The following LRRC37A2 variants were observed in gnomAD, a reference collection of about 807,000 sequenced individuals.
LRRC37A2 encodes the protein leucine rich repeat containing 37 member A2.
LRRC37A2 carries 9 observed loss-of-function variants against 68.8 expected under a neutral mutation model. The ratio of observed to expected loss-of-function variants is 0.13; its 90% CI spans 0.08 to 0.23. The LOEUF is 0.23. Among genes scored for constraint, LRRC37A2 ranks in the 10% least tolerant of loss-of-function variants. LRRC37A2 has a pLI of 1.00. For synonymous variants in LRRC37A2, 63 were observed against 367.6 expected, an observed-to-expected ratio of 0.17 and a Z score of 9.48; for missense variants, 168 against 950.4, an observed-to-expected ratio of 0.18 and a Z score of 10.82.
the LRRC37A2 span, among the ~76,000 whole-genome samples, chr17:46,848,333 C>A: frequency 6.6e-6 from 1 of 152,200 alleles, no homozygotes; most frequent in Non-Finnish European, 1.5e-5. Context: ...AAAAAGGCCA[C>A]AAACCAGGGT....
At chr17:46,885,101 G>A in the LRRC37A2 span, 18 of 432,636 alleles carry the variant, frequency 4.2e-5, no homozygotes, top group South Asian at 2.4e-4. Context: ...CGATTCTCCC[G>A]TCTCAGCTGC....
At chr17:46,638,399 A>G in the LRRC37A2 span, among the ~76,000 whole-genome samples, 1 of 40,032 alleles carries the variant, frequency 2.5e-5, no homozygotes, top group African/African-American at 1.4e-4. Flanking sequence ...ATTTTTTGAG[A>G]TGGTGTGTTA....
the LRRC37A2 span, chr17:46,966,849 A>G: frequency 2.4e-6 from 1 of 413,950 alleles, no homozygotes; most frequent in Non-Finnish European, 4.3e-6. Context: ...CATTCCTGGC[A>G]TGTGAAGAGC....
At chr17:46,940,354 T>TTAAA in the LRRC37A2 span, 17 of 1,484,570 alleles carry the variant, frequency 1.1e-5, no homozygotes, top group Non-Finnish European at 1.5e-5. Context: ...GTTGGGGCCC[T>TTAAA]GCCAGAGTTA....
chr17:47,017,144 G>A, the LRRC37A2 span: 1 of 1,605,638 alleles, frequency 6.2e-7, no homozygotes, highest in Non-Finnish European at 8.5e-7. Flanking sequence ...CATAAAGACA[G>A]GGCGGGACTC....
At chr17:46,541,378 A>G (rs1344405817) in intron 8 of LRRC37A2, among the ~76,000 whole-genome samples, 2 of 148,186 alleles carry the variant, frequency 1.3e-5, no homozygotes, top group Non-Finnish European at 3.0e-5. Flanking sequence ...CAGCCTTCCG[A>G]GTAGCTGGGA....
At chr17:46,779,101 A>ACCCCC in the LRRC37A2 span, among the ~76,000 whole-genome samples, 27 of 140,058 alleles carry the variant, frequency 1.9e-4, 1 homozygote, top group Admixed American at 1.5e-3. Flanking sequence ...ACACACACAC[A>ACCCCC]CACCCCAGCC....
the LRRC37A2 span, among the ~76,000 whole-genome samples, chr17:46,568,380 C>T: frequency 8.2e-6 from 1 of 121,510 alleles, no homozygotes; most frequent in South Asian, 2.4e-4. Context: ...GAACCAAAAT[C>T]TAATCAAGTC....
At chr17:46,973,562 G>A in the LRRC37A2 span, among the ~76,000 whole-genome samples, 2 of 152,094 alleles carry the variant, frequency 1.3e-5, no homozygotes, top group Non-Finnish European at 2.9e-5. Flanking sequence ...GGGATCTCAA[G>A]TCTAAGTAAT....
the LRRC37A2 span, among the ~76,000 whole-genome samples, chr17:47,009,248 G>A: frequency 1.3e-5 from 2 of 151,982 alleles, no homozygotes; most frequent in Non-Finnish European, 2.9e-5. Flanking sequence ...AGGAATATTT[G>A]TCAGGGGCTG....
the LRRC37A2 span, among the ~76,000 whole-genome samples, chr17:47,034,230 A>G: frequency 6.6e-6 from 1 of 152,204 alleles, no homozygotes; most frequent in Non-Finnish European, 1.5e-5. Flanking sequence ...CATTCATATC[A>G]TTTGGTTTGT....
chr17:46,876,322 G>A, the LRRC37A2 span: 1 of 1,614,200 alleles, frequency 6.2e-7, no homozygotes, highest in Non-Finnish European at 8.5e-7. Context: ...CCTGCTGGAA[G>A]CAGCTCTCCC....
At chr17:46,876,817 T>G in the LRRC37A2 span, 1 of 1,443,674 alleles carries the variant, frequency 6.9e-7, no homozygotes, top group Non-Finnish European at 9.1e-7. Flanking sequence ...ATCACATGCA[T>G]GCATAAACCG....
chr17:46,932,254 G>A, the LRRC37A2 span: 1 of 1,605,914 alleles, frequency 6.2e-7, no homozygotes. Flanking sequence ...GTGGGGGCTG[G>A]AGTTCAGATC....
chr17:46,558,376 G>GT (rs1220226031), downstream of LRRC37A2, among the ~76,000 whole-genome samples: 68 of 106,902 alleles, frequency 6.4e-4, 1 homozygote, highest in East Asian at 8.8e-3. Flanking sequence ...GGGTTTTGGG[G>GT]TTTTTTTTGT....
At chr17:46,575,395 C>T in the LRRC37A2 span, among the ~76,000 whole-genome samples, 1 of 151,952 alleles carries the variant, frequency 6.6e-6, no homozygotes, top group Non-Finnish European at 1.5e-5. Flanking sequence ...GAAAAGAAAT[C>T]ACACTCCATC....
chr17:46,951,814 C>T, the LRRC37A2 span, among the ~76,000 whole-genome samples: 1 of 152,198 alleles, frequency 6.6e-6, no homozygotes, highest in Non-Finnish European at 1.5e-5. Flanking sequence ...AGGGCCCTCT[C>T]TTCCCCCACT....
At chr17:46,755,927 T>A in the LRRC37A2 span, 2 of 1,120,800 alleles carry the variant, frequency 1.8e-6, no homozygotes, top group Admixed American at 4.2e-5. Context: ...AGTGGAACGT[T>A]CTCTACCTTC....
the LRRC37A2 span, among the ~76,000 whole-genome samples, chr17:46,842,528 C>T: frequency 1.3e-5 from 2 of 152,162 alleles, no homozygotes; most frequent in African/African-American, 2.4e-5. Context: ...GTGCATACCA[C>T]CATGCCCAGC....
Sources: gnomAD v4.1 joint callset for allele counts (sites outside exome capture counted in the v4.1 genomes callset) on GRCh38, gnomAD v4.1.1 for gene constraint, MANE v1.5 for transcripts, NCBI Gene and HGNC (gene_info 2026-07-23, HGNC 2026-07-21) for gene names.